The following BLK variants were observed in gnomAD, a reference collection of about 807,000 sequenced individuals.
The protein encoded by BLK is BLK proto-oncogene, Src family tyrosine kinase, also known as tyrosine-protein kinase Blk.
Under a neutral mutation model 61.8 loss-of-function variants are expected in BLK, and 64 were observed. The ratio of observed to expected loss-of-function variants is 1.03; its 90% confidence interval spans 0.85 to 1.27. The LOEUF (loss-of-function observed/expected upper bound fraction) is 1.27. Among genes scored for constraint, BLK ranks in the 50% most tolerant of loss-of-function variants. The pLI, the probability that BLK is intolerant of heterozygous loss-of-function variation, is 0.00. For missense variants in BLK, 853 were observed against 660.5 expected (o/e 1.29, Z -3.19); for synonymous variants, 351 against 272.0 (o/e 1.29, Z -2.86).
intron 1 of BLK, among the ~76,000 whole-genome samples, chr8:11,513,338 A>G (rs1179504593): frequency 6.6e-6 from 1 of 152,198 alleles, no homozygotes; most frequent in Non-Finnish European, 1.5e-5. Flanking sequence ...TGATTCGTGG[A>G]CCATAGTGGA....
rs747203028 is a variant in BLK, at chr8:11,556,771, C to T, written c.886C>T (p.Leu296=). The change falls in exon 9 of 13, where the codon CTG becomes TTG. Residue 296 remains leucine, a synonymous_variant. Transcript: ENST00000259089. ...GATGAAGGCTCTGCAGCACGAGCGG[C>T]TGGTCCGACTCTACGCAGTGGTCAC... ...NVMKALQHER[L]VRLYAVVTKE... The T allele has an allele frequency of 2.5e-6, 4 of 1,614,114 alleles. No individual in the cohort carries two copies. The highest frequency in any genetic ancestry group is 2.5e-6 in the Non-Finnish European group (3 of 1,180,054).
intron 1 of BLK, among the ~76,000 whole-genome samples, chr8:11,515,419 T>G (rs1362825653): frequency 6.6e-6 from 1 of 152,122 alleles, no homozygotes; most frequent in Non-Finnish European, 1.5e-5. Context: ...TGTCAGTGGC[T>G]CCACCTGAGT....
At chr8:11,562,852 G>GC in intron 11 of BLK, 127 bp from the exon 12 acceptor site, 1 of 1,352,788 alleles carries the variant, frequency 7.4e-7, no homozygotes. Context: ...ATGCCTGGCC[G>GC]CCCCGCCCTG....
At chr8:11,538,861 C>G (rs1800249785) in intron 1 of BLK, among the ~76,000 whole-genome samples, 1 of 152,176 alleles carries the variant, frequency 6.6e-6, no homozygotes, top group African/African-American at 2.4e-5. Context: ...AGGCCTTATG[C>G]TCCTCTGTTG....
intron 12 of BLK, among the ~76,000 whole-genome samples, 160 bp downstream of exon 12, chr8:11,563,270 C>A (rs2251200): frequency 1.3e-5 from 2 of 152,210 alleles, no homozygotes; most frequent in Non-Finnish European, 2.9e-5. Context: ...GAGCTCTGCC[C>A]CCTGCATCAC....
intron 1 of BLK, among the ~76,000 whole-genome samples, chr8:11,499,149 T>C (rs1798467619): frequency 6.6e-6 from 1 of 152,218 alleles, no homozygotes; most frequent in African/African-American, 2.4e-5. Context: ...AGACACTGTA[T>C]TTTGCCTGTA....
chr8:11,564,128 C>A lies in BLK; in HGVS notation c.*20C>A. 1 of 1,543,384 alleles carries A rather than the reference C, an allele frequency of 6.5e-7. No individual in the cohort carries two copies. The highest frequency in any genetic ancestry group is 8.7e-7 in the Non-Finnish European group (1 of 1,149,698). On this transcript the variant is annotated 3_prime_UTR_variant, in exon 13 of 13. Coordinates refer to ENST00000259089, the MANE Select transcript of BLK (RefSeq NM_001715.3). ...CCCTAGCCGGCCGCGCCCGCCTGCGCCCCGTGCCCACCTCTGCGCGGACGA... is the reference window on the plus strand; with the variant it reads ...CCCTAGCCGGCCGCGCCCGCCTGCGACCCGTGCCCACCTCTGCGCGGACGA...
chr8:11,504,749 G>T (rs1443337752), intron 1 of BLK, among the ~76,000 whole-genome samples: 1 of 152,226 alleles, frequency 6.6e-6, no homozygotes. Flanking sequence ...CCCTTGAGAT[G>T]AGGCCTGATA....
At position 11,554,680 on chromosome 8, in the gene BLK, A is replaced by C. The variant is rs574084066; in HGVS notation, c.473-63A>C. 2.3e-5 allele frequency: 36 copies of C among 1,595,498 alleles called. No homozygotes were observed. The African/African-American group carries it at 3.7e-4, about 17-fold the overall frequency. ...TTCAAAGCTTTAAAATGAGGCCCAA[A>C]TCCCAGTCCCGTTTTTTGTCTTTGT... On this transcript the variant is annotated intron_variant, in intron 6 of 12. Coordinates refer to ENST00000259089, the MANE Select transcript of BLK (RefSeq NM_001715.3).
chr8:11,502,259 A>AT (rs763770402), intron 1 of BLK, among the ~76,000 whole-genome samples: 16 of 151,918 alleles, frequency 1.1e-4, no homozygotes, highest in Non-Finnish European at 2.2e-4. Flanking sequence ...TTCAACTTTA[A>AT]TTTTTTATCA....
intron 1 of BLK, among the ~76,000 whole-genome samples, chr8:11,538,678 G>C (rs1446519815): frequency 6.6e-6 from 1 of 152,198 alleles, no homozygotes; most frequent in Non-Finnish European, 1.5e-5. Flanking sequence ...CTGGTCACCT[G>C]GGCAGATGCG....
chr8:11,553,716 G>A (rs542411671), intron 6 of BLK: 1 of 161,420 alleles, frequency 6.2e-6, no homozygotes, highest in South Asian at 1.7e-4. Flanking sequence ...AGGCTGGGGT[G>A]GGGGTGTGGA....
At chr8:11,543,067 C>G (rs1249346777) in intron 1 of BLK, among the ~76,000 whole-genome samples, 157 bp from the exon 2 acceptor site, 1 of 152,160 alleles carries the variant, frequency 6.6e-6, no homozygotes, top group African/African-American at 2.4e-5. Flanking sequence ...GCTCACCCAC[C>G]CGCTTCTACC....
At chr8:11,508,944 T>C (rs930775099) in intron 1 of BLK, among the ~76,000 whole-genome samples, 3 of 152,136 alleles carry the variant, frequency 2.0e-5, no homozygotes, top group Non-Finnish European at 2.9e-5. Context: ...GCGCCTTTTG[T>C]GCCTCCTACT....
At chr8:11,525,257 C>T (rs1799611449) in intron 1 of BLK, among the ~76,000 whole-genome samples, 1 of 152,196 alleles carries the variant, frequency 6.6e-6, no homozygotes, top group Non-Finnish European at 1.5e-5. Flanking sequence ...ATTTAGACAA[C>T]ATGAGTTTAT....
intron 1 of BLK, among the ~76,000 whole-genome samples, chr8:11,517,343 C>A (rs148670896): frequency 6.6e-6 from 1 of 152,170 alleles, no homozygotes; most frequent in East Asian, 1.9e-4. Flanking sequence ...CCATTCACAG[C>A]GATGGAAATT....
intron 2 of BLK, 28 bp downstream of exon 2, chr8:11,543,375 G>A (rs776081395): frequency 2.5e-6 from 4 of 1,610,930 alleles, no homozygotes; most frequent in Non-Finnish European, 3.4e-6. Flanking sequence ...CCCACCAAGA[G>A]CAGATTACTT....
At chr8:11,494,842 G>A (rs1585308344) in intron 1 of BLK, among the ~76,000 whole-genome samples, 1 of 152,262 alleles carries the variant, frequency 6.6e-6, no homozygotes, top group African/African-American at 2.4e-5. Context: ...GGAAAAGGCA[G>A]TGAATGTGCC....
chr8:11,532,581 C>A (rs921696447), intron 1 of BLK, among the ~76,000 whole-genome samples: 1 of 151,790 alleles, frequency 6.6e-6, no homozygotes, highest in African/African-American at 2.4e-5. Context: ...TTTTTTATGT[C>A]TTCATTTTCT....
Sources: allele counts gnomAD v4.1 joint callset (sites outside exome capture counted in the v4.1 genomes callset), GRCh38; gene constraint gnomAD v4.1.1; transcripts MANE v1.5; gene names NCBI Gene and HGNC (gene_info 2026-07-23, HGNC 2026-07-21).